MMD2: variants seen among roughly 807,000 people sequenced by gnomAD.
MMD2 encodes the protein monocyte to macrophage differentiation factor 2.
In MMD2, 30 loss-of-function variants were observed where a neutral mutation model predicts 33.5. The ratio of observed to expected loss-of-function variants is 0.90; its 90% CI spans 0.67 to 1.22. The LOEUF is 1.22. Among genes scored for constraint, MMD2 ranks in the 50% most tolerant of loss-of-function variants. The probability of loss-of-function intolerance (pLI) is 0.00; values close to 1 mark genes in which losing one functional copy is unlikely to be tolerated. For missense variants in MMD2, 364 were observed against 325.4 expected (o/e 1.12, Z -0.91); for synonymous variants, 129 against 123.0 (o/e 1.05, Z -0.32).
At chr7:4,943,148 T>G (rs1286319010) in intron 1 of MMD2, among the ~76,000 whole-genome samples, 1 of 151,722 alleles carries the variant, frequency 6.6e-6, no homozygotes, top group East Asian at 1.9e-4. Context: ...TAGCTGAGAT[T>G]ACAGGCGCCT....
At chr7:4,920,524 C>G (rs1785253227) in intron 2 of MMD2, among the ~76,000 whole-genome samples, 193 bp from the exon 3 acceptor site, 1 of 150,586 alleles carries the variant, frequency 6.6e-6, no homozygotes, top group South Asian at 2.1e-4. Context: ...TTCCTTCCTT[C>G]CCTCCCTCCC....
At chr7:4,955,966 T>A (rs1205267505) in intron 1 of MMD2, among the ~76,000 whole-genome samples, 2 of 152,142 alleles carry the variant, frequency 1.3e-5, no homozygotes, top group African/African-American at 4.8e-5. Context: ...GGCAGGAGAA[T>A]CGCTTAAACC....
At chr7:4,953,086 G>A (rs941380592) in intron 1 of MMD2, among the ~76,000 whole-genome samples, 45 of 151,720 alleles carry the variant, frequency 3.0e-4, no homozygotes, top group South Asian at 4.2e-4. Context: ...GTAATCCACC[G>A]GGATTACAGG....
intron 1 of MMD2, among the ~76,000 whole-genome samples, chr7:4,926,944 C>G (rs1785446142): frequency 6.6e-6 from 1 of 151,682 alleles, no homozygotes; most frequent in Non-Finnish European, 1.5e-5. Flanking sequence ...CGGGGTTTCA[C>G]TGTTTTAGCC....
intron 5 of MMD2, 73 bp downstream of exon 5, chr7:4,911,071 CA>C: frequency 8.0e-7 from 1 of 1,248,410 alleles, no homozygotes; most frequent in Admixed American, 2.0e-5. Flanking sequence ...GGACTCTCGG[CA>C]GCCCAGGAGT....
chr7:4,906,499 T>A lies in MMD2; in HGVS notation c.*897A>T, dbSNP rs1459791303. ...AAGTGCCTGGGGGCTGTTTGCCCCA[T>A]CTTATGAATGAATAGCTCTCGTAAT... On this transcript the variant is annotated 3_prime_UTR_variant, in exon 7 of 7. Coordinates refer to ENST00000401401, the MANE Select transcript of MMD2 (RefSeq NM_198403.4). The A allele has an allele frequency of 2.5e-6, 1 of 398,538 alleles. No homozygotes were observed. Among genetic ancestry groups the A allele is most frequent in the African/African-American group, 2.1e-5 (1 of 48,628 alleles). The allele number at this position is 398,538 out of a possible 1,614,324, so 24.7% of individuals were successfully genotyped here. A position where few individuals can be genotyped will look rare whatever the true frequency, so the allele number is the denominator to read the frequency against.
chr7:4,933,330 C>A (rs1225171908), intron 1 of MMD2, among the ~76,000 whole-genome samples: 2 of 152,142 alleles, frequency 1.3e-5, no homozygotes, highest in Non-Finnish European at 2.9e-5. Context: ...CCACTGCACT[C>A]CAGCCTGCAT....
intron 1 of MMD2, among the ~76,000 whole-genome samples, chr7:4,952,211 T>G (rs2115162428): frequency 6.6e-6 from 1 of 152,224 alleles, no homozygotes; most frequent in South Asian, 2.1e-4. Flanking sequence ...GGGAGAGGTG[T>G]GCAAAGCTGA....
downstream of MMD2, among the ~76,000 whole-genome samples, chr7:4,905,262 G>A (rs1293973289): frequency 6.6e-6 from 1 of 150,928 alleles, no homozygotes; most frequent in African/African-American, 2.4e-5. The surrounding 1 kb of genome is among the most constrained non-coding windows in gnomAD (Gnocchi z 5.0). Flanking sequence ...AGAAGAGGAG[G>A]AGGAGGAGGA....
At position 4,909,787 on chromosome 7, in the gene MMD2, G is replaced by A. The variant is rs762166276; in HGVS notation, c.537+94C>T. On this transcript the variant is annotated intron_variant, in intron 6 of 6. Transcript: ENST00000401401. ...GGCCTCAGTTTCCCCGCCTGCCAAAGGAGAGGGTTTGTGACAATCTCAACA... is the reference window on the plus strand; with the variant it reads ...GGCCTCAGTTTCCCCGCCTGCCAAAAGAGAGGGTTTGTGACAATCTCAACA... 6 of 1,518,698 alleles carry A rather than the reference G, an allele frequency of 4.0e-6. No individual in the cohort carries two copies. In the South Asian group the frequency reaches 7.2e-5, roughly 18 times the overall value. The allele number at this position is 1,518,698 out of a possible 1,614,324, so 94.1% of individuals were successfully genotyped here.
At chr7:4,895,625 C>T in the MMD2 span, among the ~76,000 whole-genome samples, 1 of 152,138 alleles carries the variant, frequency 6.6e-6, no homozygotes, top group Non-Finnish European at 1.5e-5. Flanking sequence ...CAACCTCCAT[C>T]TCCCGGGTTC....
chr7:4,946,074 C>G lies in MMD2; in HGVS notation c.47+12897G>C, dbSNP rs1270155949. 6.6e-6 allele frequency among the ~76,000 whole-genome samples: 1 copy of G among 151,822 alleles called. No individual in the cohort carries two copies. The highest frequency in any genetic ancestry group is 1.5e-5 in the Non-Finnish European group (1 of 67,950). On this transcript the variant is annotated intron_variant, in intron 1 of 6. Transcript: ENST00000401401. This position sits in a 1 kb window ranked among gnomAD's most constrained non-coding sequence, Gnocchi z 5.0. The stretch of plus-strand genomic sequence containing the variant: ...CTGGGGCAAAATGCACACACTCACA[C>G]GCACGCACACGCACGCACACACACG...
chr7:4,949,925 C>T (rs1786193809), intron 1 of MMD2, among the ~76,000 whole-genome samples: 1 of 152,196 alleles, frequency 6.6e-6, no homozygotes, highest in Non-Finnish European at 1.5e-5. Flanking sequence ...CCCATCTCCT[C>T]TCTCACATTT....
downstream of MMD2, among the ~76,000 whole-genome samples, chr7:4,902,735 G>T (rs921461725): frequency 2.0e-5 from 3 of 152,168 alleles, no homozygotes; most frequent in African/African-American, 7.2e-5. Flanking sequence ...TTCGGCATCT[G>T]GTTACGCTGT....
chr7:4,931,705 C>T (rs1039858574), intron 1 of MMD2, among the ~76,000 whole-genome samples: 1 of 152,026 alleles, frequency 6.6e-6, no homozygotes, highest in Non-Finnish European at 1.5e-5. Context: ...GCTAAGATTA[C>T]AGGTACATGC....
chr7:4,920,467 G>C, intron 2 of MMD2, 136 bp from the exon 3 acceptor site: 1 of 797,188 alleles, frequency 1.3e-6, no homozygotes, highest in Non-Finnish European at 2.0e-6. Flanking sequence ...CTGAAGAACG[G>C]AATCATTTTA....
Position 4,909,912 on chromosome 7 carries a change from C to T in MMD2, c.506G>A (p.Gly169Asp). The change falls in exon 6 of 7, where the codon GGC becomes GAC. Residue 169 changes from glycine to aspartate, a missense_variant. Transcript: ENST00000401401. ...GAGGATGACCAGGGCGGGGAAGAAG[C>T]CCATTACGACGTAGCAGAGAAGCTC... ...LVELLCYVVM[G>D]FFPALVILSM... 1 of 1,613,874 alleles carries T rather than the reference C, an allele frequency of 6.2e-7. No homozygotes were observed. The highest frequency in any genetic ancestry group is 8.5e-7 in the Non-Finnish European group (1 of 1,179,850).
intron 3 of MMD2, among the ~76,000 whole-genome samples, chr7:4,919,123 T>C (rs947728355): frequency 2.0e-5 from 3 of 150,994 alleles, no homozygotes; most frequent in Non-Finnish European, 4.4e-5. Flanking sequence ...ATCAAAACTG[T>C]AATATCAGGG....
chr7:4,911,287 C>T (rs1785001387), intron 4 of MMD2, 41 bp from the exon 5 acceptor site: 2 of 1,504,516 alleles, frequency 1.3e-6, no homozygotes, highest in Non-Finnish European at 1.8e-6. Context: ...TGAGGGGGGC[C>T]CACCAGGACC....
Sources: gnomAD v4.1 joint callset for allele counts (sites outside exome capture counted in the v4.1 genomes callset) on GRCh38, gnomAD v4.1.1 for gene constraint, Gnocchi (gnomAD v3.1) non-coding constraint, MANE v1.5 for transcripts, NCBI Gene and HGNC (gene_info 2026-07-23, HGNC 2026-07-21) for gene names.